Variants in AGBL4 observed in about 807,000 individuals in gnomAD.
The protein encoded by AGBL4 is AGBL carboxypeptidase 4, also known as cytosolic carboxypeptidase 6.
Under a neutral mutation model 66.4 loss-of-function variants are expected in AGBL4, and 58 were observed. The ratio of observed to expected loss-of-function variants is 0.87; its 90% CI spans 0.71 to 1.09. The LOEUF is 1.09. Among genes scored for constraint, AGBL4 ranks in the 50% least tolerant of loss-of-function variants. The pLI is 0.00. For synonymous variants in AGBL4, 234 were observed against 222.9 expected (o/e 1.05, Z -0.44); for missense variants, 579 against 631.0 (o/e 0.92, Z 0.88).
At chr1:48,977,355 G>C (rs1482158677) in intron 5 of AGBL4, among the ~76,000 whole-genome samples, 1 of 152,114 alleles carries the variant, frequency 6.6e-6, no homozygotes, top group Non-Finnish European at 1.5e-5. Context: ...AGATTTATGA[G>C]ATGATCTAAT....
chr1:49,094,759 C>T (rs1035243454), intron 4 of AGBL4, among the ~76,000 whole-genome samples: 3 of 152,110 alleles, frequency 2.0e-5, no homozygotes, highest in African/African-American at 7.2e-5. Flanking sequence ...TGGAAGCATT[C>T]TCTTTGAAAA....
At chr1:49,463,270 C>T (rs1646554338) in intron 3 of AGBL4, among the ~76,000 whole-genome samples, 1 of 151,664 alleles carries the variant, frequency 6.6e-6, no homozygotes, top group Admixed American at 6.6e-5. Context: ...TGCTACCTTG[C>T]CATTATTATG....
intron 6 of AGBL4, among the ~76,000 whole-genome samples, chr1:48,691,969 C>T (rs1207089716): frequency 6.6e-6 from 1 of 152,232 alleles, no homozygotes; most frequent in Admixed American, 6.5e-5. Flanking sequence ...CTCTGCCCAA[C>T]TTGGGTCTTT....
At chr1:48,754,623 G>C (rs1042568912) in intron 6 of AGBL4, among the ~76,000 whole-genome samples, 3 of 152,148 alleles carry the variant, frequency 2.0e-5, no homozygotes, top group African/African-American at 7.2e-5. Flanking sequence ...CTTACAATAT[G>C]GGGGTCACGG....
intron 3 of AGBL4, among the ~76,000 whole-genome samples, chr1:49,590,404 A>T (rs1644729790): frequency 6.6e-6 from 1 of 151,864 alleles, no homozygotes; most frequent in South Asian, 2.1e-4. Flanking sequence ...GGAAAAAAAA[A>T]AAGGAGGCTA....
chr1:49,620,641 A>T (rs1645341635), intron 3 of AGBL4, among the ~76,000 whole-genome samples: 1 of 152,140 alleles, frequency 6.6e-6, no homozygotes, highest in South Asian at 2.1e-4. Context: ...TGGAAAAGGA[A>T]AAGTTTGCTC....
chr1:48,890,334 GT>G (rs1179323548), intron 5 of AGBL4, among the ~76,000 whole-genome samples: 1 of 152,140 alleles, frequency 6.6e-6, no homozygotes, highest in African/African-American at 2.4e-5. Flanking sequence ...CTTTATCTGA[GT>G]CTTAGCTTTC....
At chr1:49,399,318 C>A (rs1645035905) in intron 3 of AGBL4, among the ~76,000 whole-genome samples, 1 of 152,086 alleles carries the variant, frequency 6.6e-6, no homozygotes, top group African/African-American at 2.4e-5. Flanking sequence ...GAGGCAGATA[C>A]CTCTTCGATA....
At chr1:49,406,694 CTG>C (rs1645206817) in intron 3 of AGBL4, among the ~76,000 whole-genome samples, 1 of 151,962 alleles carries the variant, frequency 6.6e-6, no homozygotes, top group Non-Finnish European at 1.5e-5. Context: ...GAAAAACTCT[CTG>C]TGGTAAAAGT....
At chr1:49,311,464 C>G (rs755891635) in intron 3 of AGBL4, among the ~76,000 whole-genome samples, 1 of 151,906 alleles carries the variant, frequency 6.6e-6, no homozygotes, top group Non-Finnish European at 1.5e-5. Flanking sequence ...AATAGCTTCC[C>G]CAAATATGTT....
chr1:49,072,682 C>T (rs1644631586), intron 4 of AGBL4, among the ~76,000 whole-genome samples: 2 of 152,060 alleles, frequency 1.3e-5, no homozygotes, highest in Admixed American at 6.6e-5. Flanking sequence ...ACATTTTTTC[C>T]TTCATTTCAA....
rs537378945 is a variant in AGBL4 at position 48,751,881 on chromosome 1, G to A, written c.635-88640C>T. On this transcript the variant is annotated intron_variant, in intron 6 of 13. Transcript: ENST00000371839. ...GGGGAAGGAGGGTCCTGAATTGTTCGGCCACCCTGAAATCAACTTTTAAAA... is the reference window on the plus strand; with the variant it reads ...GGGGAAGGAGGGTCCTGAATTGTTCAGCCACCCTGAAATCAACTTTTAAAA... Among the ~76,000 whole-genome samples the A allele has an allele frequency of 3.3e-5, 5 of 152,224 alleles. No individual in the cohort carries two copies. The South Asian group carries it at 8.3e-4, about 25-fold the overall frequency.
At chr1:48,729,208 T>G (rs1335860985) in intron 6 of AGBL4, among the ~76,000 whole-genome samples, 3 of 152,236 alleles carry the variant, frequency 2.0e-5, no homozygotes, top group Admixed American at 2.0e-4. Context: ...GAGTATTTTA[T>G]GTATTTACAA....
intron 3 of AGBL4, among the ~76,000 whole-genome samples, chr1:49,517,591 G>A (rs1002617928): frequency 7.9e-5 from 12 of 151,826 alleles, no homozygotes; most frequent in African/African-American, 1.2e-4. Flanking sequence ...TGCTAGGAGC[G>A]TTCAGAAGTA....
chr1:49,152,513 A>G (rs556696325), intron 4 of AGBL4, among the ~76,000 whole-genome samples: 1 of 152,344 alleles, frequency 6.6e-6, no homozygotes, highest in East Asian at 1.9e-4. Context: ...TGACCCTGTG[A>G]GTTGCATCAA....
chr1:49,947,494 C>G (rs188406532), intron 1 of AGBL4, among the ~76,000 whole-genome samples: 72 of 151,910 alleles, frequency 4.7e-4, no homozygotes, highest in Non-Finnish European at 6.3e-4. Flanking sequence ...ATCCAGCATC[C>G]CTTTATGATT....
At position 48,996,586 on chromosome 1, in the gene AGBL4, CA is replaced by C. The variant is rs527690731; in HGVS notation, c.594+48997del. On this transcript the variant is annotated intron_variant, in intron 5 of 13. Coordinates refer to ENST00000371839, the MANE Select transcript of AGBL4 (RefSeq NM_032785.4). ...GCTATGAGATCCAATAACATGAAAA[CA>C]GGGAAATGACCATTAGAATTGGCAG... is the stretch of plus-strand genomic sequence containing the variant. Among the ~76,000 whole-genome samples, 69 of 152,152 alleles carry C rather than the reference CA, an allele frequency of 4.5e-4. 1 individual carries two copies. In the South Asian group the frequency reaches 0.014, roughly 31 times the overall value.
chr1:49,936,615 C>G (rs1013849064), intron 1 of AGBL4, among the ~76,000 whole-genome samples: 14 of 152,272 alleles, frequency 9.2e-5, no homozygotes, highest in Non-Finnish European at 1.6e-4. Flanking sequence ...CAAAGGGAAG[C>G]CCATCAGACT....
intron 3 of AGBL4, among the ~76,000 whole-genome samples, chr1:49,487,274 A>C (rs1557986304): frequency 6.6e-6 from 1 of 151,956 alleles, no homozygotes; most frequent in Non-Finnish European, 1.5e-5. Flanking sequence ...AATATACCTG[A>C]TATTGTGCTA....
Sources: allele counts gnomAD v4.1 joint callset (sites outside exome capture counted in the v4.1 genomes callset), GRCh38; gene constraint gnomAD v4.1.1; transcripts MANE v1.5; gene names NCBI Gene and HGNC (gene_info 2026-07-23, HGNC 2026-07-21).